SIPA1L1: variants seen among roughly 807,000 people sequenced by gnomAD.
The protein encoded by SIPA1L1 is signal induced proliferation associated 1 like 1, also known as signal-induced proliferation-associated 1-like protein 1.
In SIPA1L1, 26 loss-of-function variants were observed where a neutral mutation model predicts 162.7. The ratio of observed to expected loss-of-function variants is 0.16; its 90% CI spans 0.12 to 0.22. The LOEUF (loss-of-function observed/expected upper bound fraction) is 0.22, where lower values mean the gene tolerates loss of function less well. Ranked by LOEUF, SIPA1L1 falls within the 10% of genes least tolerant of loss-of-function variation. The pLI, the probability that SIPA1L1 is intolerant of heterozygous loss-of-function variation, is 1.00. For synonymous variants in SIPA1L1, 829 were observed against 837.4 expected (o/e 0.99, Z 0.17); for missense variants, 1,874 against 2,241.0 (o/e 0.84, Z 3.31).
intron 2 of SIPA1L1, among the ~76,000 whole-genome samples, chr14:71,397,738 T>A (rs2041324918): frequency 6.6e-6 from 1 of 152,170 alleles, no homozygotes; most frequent in African/African-American, 2.4e-5. Context: ...TTCTCTGCAG[T>A]TTGGTTGTTA....
intron 13 of SIPA1L1, 96 bp downstream of exon 13, chr14:71,685,727 A>T: frequency 2.1e-6 from 3 of 1,457,006 alleles, no homozygotes; most frequent in Non-Finnish European, 2.8e-6. Context: ...CTCATATTTT[A>T]CTAGAAACAA....
chr14:71,590,233 A>C (rs1415127474), intron 5 of SIPA1L1, among the ~76,000 whole-genome samples: 1 of 151,848 alleles, frequency 6.6e-6, no homozygotes, highest in Non-Finnish European at 1.5e-5. Context: ...GCGTTAATTA[A>C]GGAATGAGTT....
chr14:71,511,256 T>C (rs931187119), intron 2 of SIPA1L1, among the ~76,000 whole-genome samples: 1 of 152,124 alleles, frequency 6.6e-6, no homozygotes, highest in Non-Finnish European at 1.5e-5. Flanking sequence ...TCTTGACTGA[T>C]AGGGTATGAC....
chr14:71,565,173 A>G (rs752635617), intron 4 of SIPA1L1, among the ~76,000 whole-genome samples: 5 of 152,082 alleles, frequency 3.3e-5, no homozygotes, highest in African/African-American at 7.2e-5. Context: ...GTTTATCCTA[A>G]TGTCTTCCAT....
At chr14:71,571,450 C>T (rs1002365088) in intron 4 of SIPA1L1, among the ~76,000 whole-genome samples, 6 of 151,912 alleles carry the variant, frequency 3.9e-5, no homozygotes, top group African/African-American at 1.5e-4. Context: ...AAGACTACTC[C>T]AGTATTAAAC....
chr14:71,703,387 C>T (rs900076170), intron 15 of SIPA1L1, among the ~76,000 whole-genome samples: 2 of 152,072 alleles, frequency 1.3e-5, no homozygotes, highest in African/African-American at 4.8e-5. Context: ...ATGACTTTGC[C>T]CAAGTAAGTG....
chr14:71,650,763 C>T (rs1194606653), intron 8 of SIPA1L1, among the ~76,000 whole-genome samples: 6 of 152,108 alleles, frequency 3.9e-5, no homozygotes, highest in Admixed American at 3.9e-4. Flanking sequence ...ACAGATCGTG[C>T]AGAATTGCTC....
intron 8 of SIPA1L1, among the ~76,000 whole-genome samples, chr14:71,654,842 T>G (rs1388937680): frequency 6.6e-6 from 1 of 152,222 alleles, no homozygotes; most frequent in African/African-American, 2.4e-5. Context: ...AAGCATTTTT[T>G]TTTTCATTTT....
At chr14:71,513,128 A>G (rs151241837) in intron 3 of SIPA1L1, among the ~76,000 whole-genome samples, 98 of 152,286 alleles carry the variant, frequency 6.4e-4, no homozygotes, top group African/African-American at 2.2e-3. Context: ...GCCTCAGGCC[A>G]TGGTCACTCA....
Position 71,739,246 on chromosome 14 carries a change from C to A in SIPA1L1, c.*85C>A. 1 of 1,322,206 alleles carries A rather than the reference C, an allele frequency of 7.6e-7. No homozygotes were observed. The highest frequency in any genetic ancestry group is 1.9e-5 in the South Asian group (1 of 52,536). 81.9% of individuals were successfully genotyped at this position (1,322,206 alleles called of 1,614,324 possible). On this transcript the variant is annotated 3_prime_UTR_variant, in exon 24 of 24. Coordinates refer to ENST00000381232, the MANE Select transcript of SIPA1L1 (RefSeq NM_001386936.1). ...CCCTTATTCCCTCCATAGAAAGCAT[C>A]CTCAGAGCACCTTCCCTGGCTTCCT...
At chr14:71,535,442 T>A (rs528395141) in intron 4 of SIPA1L1, among the ~76,000 whole-genome samples, 3 of 152,276 alleles carry the variant, frequency 2.0e-5, no homozygotes, top group African/African-American at 7.2e-5. Flanking sequence ...AGTGAAGGGA[T>A]AATATAAAAT....
At chr14:71,635,565 G>A (rs1476511420) in intron 7 of SIPA1L1, among the ~76,000 whole-genome samples, 2 of 152,066 alleles carry the variant, frequency 1.3e-5, no homozygotes, top group Non-Finnish European at 2.9e-5. Context: ...CATAGATAAA[G>A]ATATATATAG....
chr14:71,479,600 G>T (rs186417942), intron 2 of SIPA1L1, among the ~76,000 whole-genome samples: 2 of 151,840 alleles, frequency 1.3e-5, no homozygotes, highest in African/African-American at 4.8e-5. Context: ...TAGAGACAAG[G>T]TCTCACTATA....
chr14:71,555,346 A>G (rs575465902), intron 4 of SIPA1L1, among the ~76,000 whole-genome samples: 1 of 152,328 alleles, frequency 6.6e-6, no homozygotes, highest in East Asian at 1.9e-4. Flanking sequence ...CTGATGAACC[A>G]ATGTCTGCTG....
chr14:71,394,109 G>T (rs1267354987), intron 2 of SIPA1L1, among the ~76,000 whole-genome samples: 1 of 152,208 alleles, frequency 6.6e-6, no homozygotes, highest in East Asian at 1.9e-4. Context: ...CAGCAAGGGC[G>T]GAGGAAGGTG....
intron 16 of SIPA1L1, among the ~76,000 whole-genome samples, chr14:71,705,687 C>T (rs1303445479): frequency 3.3e-5 from 5 of 151,814 alleles, no homozygotes; most frequent in Non-Finnish European, 5.9e-5. Context: ...CAGTCCTGCT[C>T]CAGCCATGAG....
At chr14:71,539,199 G>A (rs552331563) in intron 4 of SIPA1L1, among the ~76,000 whole-genome samples, 3 of 152,168 alleles carry the variant, frequency 2.0e-5, no homozygotes, top group Non-Finnish European at 2.9e-5. Flanking sequence ...TCCTTGGCCC[G>A]TTTTCCAAAA....
chr14:71,685,493 C>T lies in SIPA1L1; in HGVS notation c.3236C>T (p.Pro1079Leu). ...QRNASKGPHS[P>L]QVPSQVQSPM... ...AACGCCAGCAAGGGGCCTCATTCAC[C>T]TCAAGTCCCGTCCCAGGTGCAGAGT... Residue 1079 changes from proline to leucine, a missense_variant, in exon 13 of 24, where the codon CCT becomes CTT. Pro to Leu is a moderately conservative substitution (Grantham distance 98, BLOSUM62 -3). Around this residue, in one of 5 missense-constraint regions of SIPA1L1, gnomAD observed 936 missense variants for 1,051.9 expected, o/e 0.89. Transcript: ENST00000381232. 6.2e-7 allele frequency: 1 copy of T among 1,614,172 alleles called. No individual in the cohort carries two copies. Among genetic ancestry groups the T allele is most frequent in the African/African-American group, 1.3e-5 (1 of 75,044 alleles).
intron 2 of SIPA1L1, among the ~76,000 whole-genome samples, chr14:71,493,556 G>A (rs2049468971): frequency 6.6e-6 from 1 of 152,084 alleles, no homozygotes; most frequent in South Asian, 2.1e-4. Context: ...TTTCTCCAAG[G>A]ACATAATGTT....
Sources: gnomAD v4.1 joint callset for allele counts (sites outside exome capture counted in the v4.1 genomes callset) on GRCh38, gnomAD v4.1.1 for gene constraint, gnomAD v4.1.1 regional missense constraint, MANE v1.5 for transcripts, NCBI Gene and HGNC (gene_info 2026-07-23, HGNC 2026-07-21) for gene names.